DYNC2H1: variants seen among roughly 807,000 people sequenced by gnomAD.
DYNC2H1 encodes the protein cytoplasmic dynein 2 heavy chain 1.
DYNC2H1 carries 410 observed loss-of-function variants against 570.0 expected under a neutral mutation model. That is an observed-to-expected ratio of 0.72 (90% CI 0.66 to 0.78). The LOEUF (loss-of-function observed/expected upper bound fraction) is 0.78, where lower values mean the gene tolerates loss of function less well. Ranked by LOEUF, DYNC2H1 falls within the 30% of genes least tolerant of loss-of-function variation. The probability of loss-of-function intolerance (pLI) is 0.00; values close to 1 mark genes in which losing one functional copy is unlikely to be tolerated. For missense variants in DYNC2H1, 4,865 were observed against 5,046.4 expected (o/e 0.96, Z 1.09); for synonymous variants, 1,688 against 1,677.6 (o/e 1.01, Z -0.15).
At chr11:103,287,835 G>T in intron 75 of DYNC2H1, 1 of 413,124 alleles carries the variant, frequency 2.4e-6, no homozygotes, top group Non-Finnish European at 4.3e-6. Context: ...CCTAGACAGA[G>T]CTGATTTAGC....
chr11:103,271,943 G>A (rs1051445392), intron 70 of DYNC2H1, among the ~76,000 whole-genome samples: 7 of 152,158 alleles, frequency 4.6e-5, no homozygotes, highest in African/African-American at 1.7e-4. Flanking sequence ...GAGAGGATGT[G>A]GAGAAATAGG....
chr11:103,125,367 T>A, intron 12 of DYNC2H1, 72 bp downstream of exon 12: 1 of 99,020 alleles, frequency 1.0e-5, no homozygotes, highest in Non-Finnish European at 1.7e-5. Flanking sequence ...TGCTAAAGGC[T>A]TTTTTTTTTT....
intron 35 of DYNC2H1, among the ~76,000 whole-genome samples, chr11:103,173,550 T>A (rs1861666275): frequency 1.3e-5 from 2 of 152,114 alleles, no homozygotes; most frequent in Non-Finnish European, 2.9e-5. Flanking sequence ...ATGTTTATAT[T>A]AGAGTGCTTC....
rs1206528515 is a variant in DYNC2H1, at chr11:103,325,554, C to A, written c.12039+1564C>A. ...TAGCTTTATTTCTAGGCCCTCTATT[C>A]TGTTCTGTTGGTTTATGTGTCTGTT... On this transcript the variant is annotated intron_variant, in intron 82 of 88. Coordinates refer to ENST00000375735, the MANE Select transcript of DYNC2H1 (RefSeq NM_001377.3). This position sits in a 1 kb window ranked among gnomAD's most constrained non-coding sequence, Gnocchi z 4.8. Among the ~76,000 whole-genome samples, 1 of 152,130 alleles carries A rather than the reference C, an allele frequency of 6.6e-6. No individual in the cohort carries two copies. Among genetic ancestry groups the A allele is most frequent in the African/African-American group, 2.4e-5 (1 of 41,426 alleles).
intron 75 of DYNC2H1, among the ~76,000 whole-genome samples, chr11:103,292,157 T>G (rs1247212170): frequency 8.2e-6 from 1 of 121,658 alleles, no homozygotes; most frequent in Non-Finnish European, 1.7e-5. Flanking sequence ...CTTCTTCTTC[T>G]CTTTTTTTTT....
At chr11:103,309,557 G>GA (rs11365208) in intron 78 of DYNC2H1, among the ~76,000 whole-genome samples, 64 of 142,464 alleles carry the variant, frequency 4.5e-4, no homozygotes, top group South Asian at 3.1e-3. Context: ...TTCATTTAAG[G>GA]AAAAAAAAAA....
intron 84 of DYNC2H1, among the ~76,000 whole-genome samples, chr11:103,413,041 C>A (rs958816397): frequency 6.6e-6 from 1 of 152,114 alleles, no homozygotes; most frequent in South Asian, 2.1e-4. Context: ...ATCAGAAACT[C>A]CCAGTGTGTT....
At chr11:103,447,191 G>A (rs1278793008) in intron 85 of DYNC2H1, among the ~76,000 whole-genome samples, 1 of 152,018 alleles carries the variant, frequency 6.6e-6, no homozygotes, top group African/African-American at 2.4e-5. Flanking sequence ...CAAATATTGA[G>A]CCTAGAAACC....
At chr11:103,247,286 T>C (rs112199983) in intron 65 of DYNC2H1, among the ~76,000 whole-genome samples, 2 of 152,120 alleles carry the variant, frequency 1.3e-5, no homozygotes, top group African/African-American at 4.8e-5. Context: ...AGCTAAACAT[T>C]TGTGGTTGAT....
intron 58 of DYNC2H1, among the ~76,000 whole-genome samples, chr11:103,222,399 A>C (rs1863622801): frequency 6.6e-6 from 1 of 152,082 alleles, no homozygotes; most frequent in Non-Finnish European, 1.5e-5. Context: ...TAATGTTCTC[A>C]GCTTTTTTTT....
intron 84 of DYNC2H1, among the ~76,000 whole-genome samples, chr11:103,433,245 A>C (rs1943958152): frequency 6.6e-6 from 1 of 152,148 alleles, no homozygotes; most frequent in Admixed American, 6.6e-5. Context: ...TATAAAATGT[A>C]AGCTCCATAA....
chr11:103,238,802 A>T (rs1864318505), intron 63 of DYNC2H1, among the ~76,000 whole-genome samples: 1 of 152,216 alleles, frequency 6.6e-6, no homozygotes, highest in African/African-American at 2.4e-5. Context: ...CCTTGGTCTT[A>T]CAACAGGAAT....
At chr11:103,371,102 A>G (rs1229186507) in intron 83 of DYNC2H1, among the ~76,000 whole-genome samples, 1 of 152,130 alleles carries the variant, frequency 6.6e-6, no homozygotes, top group African/African-American at 2.4e-5. Context: ...AAATTTTAAC[A>G]AAGAGATTGA....
chr11:103,399,149 GT>G (rs1241890291), intron 83 of DYNC2H1, among the ~76,000 whole-genome samples: 9 of 122,170 alleles, frequency 7.4e-5, no homozygotes, highest in African/African-American at 2.1e-4. Context: ...TTTTTTTTTT[GT>G]TTTTTTTTTT....
chr11:103,217,548 C>T (rs4558138), intron 55 of DYNC2H1, among the ~76,000 whole-genome samples: 141,900 of 152,196 alleles, frequency 0.93, 66,181 homozygotes, highest in African/African-American at 0.94. Context: ...AGAAAAAGCC[C>T]AGAACCTTTA....
In DYNC2H1 at chr11:103,439,529, G is replaced by C. The variant is rs1334297396; in HGVS notation, c.12456+3497G>C. 1.3e-5 allele frequency among the ~76,000 whole-genome samples: 2 copies of C among 152,034 alleles called. No homozygotes were observed. The highest frequency in any genetic ancestry group is 2.4e-5 in the African/African-American group (1 of 41,408). ...TGCAGCATTTTAAGAAGGAAAGTCA[G>C]ATTATGTTTTAAAGGGACTGTTTTA... is the stretch of plus-strand genomic sequence containing the variant. On this transcript the variant is annotated intron_variant, in intron 85 of 88. Transcript: ENST00000375735. The surrounding 1 kb of genome is among the most constrained non-coding windows in gnomAD (Gnocchi z 4.1).
rs1201345180 is a variant in DYNC2H1, at chr11:103,289,185, C to G, written c.11095+1580C>G. ...ATCAGCACTCCCCACTTCCTAAGCC[C>G]CTACTCACCAAATCGTCTTTAAAAA... On this transcript the variant is annotated intron_variant, in intron 75 of 88. Transcript: ENST00000375735. The surrounding 1 kb of genome is among the most constrained non-coding windows in gnomAD (Gnocchi z 4.2). Among the ~76,000 whole-genome samples the G allele has an allele frequency of 6.6e-6, 1 of 152,174 alleles. No individual in the cohort carries two copies. The highest frequency in any genetic ancestry group is 1.5e-5 in the Non-Finnish European group (1 of 68,032).
intron 82 of DYNC2H1, among the ~76,000 whole-genome samples, chr11:103,337,274 G>A (rs964807666): frequency 2.0e-5 from 3 of 152,152 alleles, no homozygotes; most frequent in African/African-American, 7.2e-5. Flanking sequence ...AAATATGTGG[G>A]TAAATCTCTG....
chr11:103,396,641 T>C (rs925983899), intron 83 of DYNC2H1, among the ~76,000 whole-genome samples: 3 of 152,192 alleles, frequency 2.0e-5, no homozygotes, highest in African/African-American at 7.2e-5. Flanking sequence ...CCTAGGAAAT[T>C]GTTTCAGTTA....
Sources: gnomAD v4.1 joint callset for allele counts (sites outside exome capture counted in the v4.1 genomes callset) on GRCh38, gnomAD v4.1.1 for gene constraint, Gnocchi (gnomAD v3.1) non-coding constraint, MANE v1.5 for transcripts, NCBI Gene and HGNC (gene_info 2026-07-23, HGNC 2026-07-21) for gene names.